RHEX: variants seen among roughly 807,000 people sequenced by gnomAD.
RHEX encodes the protein regulator of hemoglobinization and erythroid cell expansion protein.
A neutral mutation model predicts 20.1 loss-of-function variants in RHEX; 18 were observed. The observed-to-expected ratio is 0.90, with a 90% confidence interval of 0.62 to 1.33. The LOEUF (loss-of-function observed/expected upper bound fraction) is 1.33, where lower values mean the gene tolerates loss of function less well. Ranked by LOEUF, RHEX falls within the 40% of genes most tolerant of loss-of-function variation. The probability of loss-of-function intolerance (pLI) is 0.00; values close to 1 mark genes in which losing one functional copy is unlikely to be tolerated. For synonymous variants in RHEX, 87 were observed against 77.1 expected (o/e 1.13, Z -0.67); for missense variants, 192 against 214.3 (o/e 0.90, Z 0.65).
In RHEX at chr1:206,097,585, A is replaced by G. The variant is rs1236228551; in HGVS notation, c.-96-148A>G. On this transcript the variant is annotated intron_variant, in intron 1 of 5. Transcript: ENST00000331555. ...AAGGTTCTTTAGGAGAAGTGTCTAGAATGTATCATGTAGGAAAGTGGGGAC... is the reference window on the plus strand; with the variant it reads ...AAGGTTCTTTAGGAGAAGTGTCTAGGATGTATCATGTAGGAAAGTGGGGAC... The G allele has an allele frequency of 5.3e-5, 31 of 589,124 alleles. 1 individual carries two copies. The East Asian group carries it at 8.9e-4, about 17-fold the overall frequency. The allele number at this position is 589,124 out of a possible 1,614,324, so 36.5% of individuals were successfully genotyped here. A position where few individuals can be genotyped will look rare whatever the true frequency, so the allele number is the denominator to read the frequency against.
At chr1:206,074,913 C>T (rs1264109118) in intron 1 of RHEX, among the ~76,000 whole-genome samples, 1 of 152,212 alleles carries the variant, frequency 6.6e-6, no homozygotes, top group Non-Finnish European at 1.5e-5. Flanking sequence ...TTCCCTTCAC[C>T]CAGGCACACC....
chr1:206,058,804 G>C (rs2102303896), intron 1 of RHEX, among the ~76,000 whole-genome samples: 1 of 152,208 alleles, frequency 6.6e-6, no homozygotes, highest in African/African-American at 2.4e-5. Context: ...TGTGCATTCG[G>C]GGAGCTCGGA....
At chr1:206,091,992 G>A (rs1402642689) in intron 1 of RHEX, among the ~76,000 whole-genome samples, 16 of 152,010 alleles carry the variant, frequency 1.1e-4, no homozygotes, top group Non-Finnish European at 1.6e-4. Flanking sequence ...GTATTGAGGA[G>A]GTAAGTCTGA....
intron 1 of RHEX, among the ~76,000 whole-genome samples, chr1:206,057,278 G>A (rs986239577): frequency 6.6e-6 from 1 of 152,266 alleles, no homozygotes; most frequent in Non-Finnish European, 1.5e-5. Flanking sequence ...GCCATGGGAA[G>A]CCCGAGAATT....
intron 1 of RHEX, among the ~76,000 whole-genome samples, chr1:206,074,624 A>C (rs961322481): frequency 1.3e-5 from 2 of 152,118 alleles, no homozygotes; most frequent in African/African-American, 4.8e-5. Flanking sequence ...CATCACCCCT[A>C]AAGGAAACCC....
At chr1:206,068,522 G>T (rs1326896354) in intron 1 of RHEX, among the ~76,000 whole-genome samples, 1 of 152,106 alleles carries the variant, frequency 6.6e-6, no homozygotes, top group African/African-American at 2.4e-5. Flanking sequence ...AGGGGGAAGT[G>T]GTAAGAGGTG....
At chr1:206,085,220 T>G (rs996490840) in intron 1 of RHEX, among the ~76,000 whole-genome samples, 3 of 152,220 alleles carry the variant, frequency 2.0e-5, no homozygotes, top group Non-Finnish European at 4.4e-5. Flanking sequence ...TTAATAGCAA[T>G]GTGTACAGAG....
intron 1 of RHEX, among the ~76,000 whole-genome samples, chr1:206,070,597 G>T (rs191426820): frequency 5.6e-4 from 85 of 152,328 alleles, no homozygotes; most frequent in African/African-American, 2.0e-3. Flanking sequence ...TGTTTCTACT[G>T]TACTGGGGAA....
At chr1:206,063,022 C>T (rs1558168991) in intron 1 of RHEX, among the ~76,000 whole-genome samples, 1 of 152,128 alleles carries the variant, frequency 6.6e-6, no homozygotes, top group Non-Finnish European at 1.5e-5. Context: ...GCATTCCCTA[C>T]CCTACACTTC....
chr1:206,061,739 C>T (rs1553283331), intron 1 of RHEX: 1 of 152,346 alleles, frequency 6.6e-6, no homozygotes, highest in East Asian at 1.9e-4. Flanking sequence ...ACTTTGCTGT[C>T]TACACCAACA....
At chr1:206,063,199 A>G (rs566888553) in intron 1 of RHEX, among the ~76,000 whole-genome samples, 1 of 152,314 alleles carries the variant, frequency 6.6e-6, no homozygotes, top group East Asian at 1.9e-4. Context: ...GTAGACGTGT[A>G]CCTGACATGG....
chr1:206,098,011 C>G, intron 2 of RHEX, 70 bp from the exon 3 acceptor site: 1 of 1,324,372 alleles, frequency 7.6e-7, no homozygotes. Flanking sequence ...CCAGCTAGGA[C>G]AGGGATAGGT....
chr1:206,078,924 A>T (rs1054514255), intron 1 of RHEX, among the ~76,000 whole-genome samples: 1 of 152,174 alleles, frequency 6.6e-6, no homozygotes, highest in African/African-American at 2.4e-5. Flanking sequence ...AGCTGGGGGG[A>T]TGCAAAAGGT....
chr1:206,071,445 T>G lies in RHEX; in HGVS notation c.-97+18180T>G, dbSNP rs116563227. Among the ~76,000 whole-genome samples, 1,387 of 152,022 alleles carry G rather than the reference T, an allele frequency of 9.1e-3. 28 individuals carry two copies. Among genetic ancestry groups the G allele is most frequent in the African/African-American group, 0.032 (1,335 of 41,416 alleles). Reference sequence around the variant, plus strand: ...CACAGACATACCCAGGAACAATACTTTGCGTCCTTCAATCCAATCAAATTG... The same window carrying G: ...CACAGACATACCCAGGAACAATACTGTGCGTCCTTCAATCCAATCAAATTG... On this transcript the variant is annotated intron_variant, in intron 1 of 5. Transcript: ENST00000331555.
At chr1:206,079,190 T>C (rs1662692324) in intron 1 of RHEX, among the ~76,000 whole-genome samples, 1 of 152,186 alleles carries the variant, frequency 6.6e-6, no homozygotes, top group Non-Finnish European at 1.5e-5. Flanking sequence ...AATATTTTAT[T>C]GCTAATAATA....
intron 1 of RHEX, among the ~76,000 whole-genome samples, chr1:206,075,619 G>A (rs538965176): frequency 3.1e-4 from 35 of 112,912 alleles, no homozygotes; most frequent in African/African-American, 1.3e-3. Context: ...TTTTTTTTTT[G>A]AGACAGAGTC....
chr1:206,085,181 G>A (rs190142568), intron 1 of RHEX, among the ~76,000 whole-genome samples: 25 of 152,246 alleles, frequency 1.6e-4, no homozygotes, highest in African/African-American at 6.0e-4. Flanking sequence ...GCTCCCCCAA[G>A]GTTAAACATT....
chr1:206,073,266 T>C (rs1352613559), intron 1 of RHEX, among the ~76,000 whole-genome samples: 4 of 152,124 alleles, frequency 2.6e-5, no homozygotes, highest in African/African-American at 7.2e-5. Context: ...TCAGGTGCCA[T>C]TTGCTTGCTG....
At chr1:206,054,353 T>G (rs1662143296) in intron 1 of RHEX, among the ~76,000 whole-genome samples, 1 of 152,218 alleles carries the variant, frequency 6.6e-6, no homozygotes, top group Non-Finnish European at 1.5e-5. Flanking sequence ...TAAGGCCTCC[T>G]GAGTACTATT....
Sources: allele counts gnomAD v4.1 joint callset (sites outside exome capture counted in the v4.1 genomes callset), GRCh38; gene constraint gnomAD v4.1.1; transcripts MANE v1.5; gene names NCBI Gene and HGNC (gene_info 2026-07-23, HGNC 2026-07-21).